The following USP34 variants were observed in gnomAD, a reference collection of about 807,000 sequenced individuals.
The protein encoded by USP34 is ubiquitin specific peptidase 34, also known as ubiquitin carboxyl-terminal hydrolase 34.
USP34 carries 70 observed loss-of-function variants against 460.3 expected under a neutral mutation model. The ratio of observed to expected loss-of-function variants is 0.15; its 90% CI spans 0.13 to 0.19. The LOEUF (loss-of-function observed/expected upper bound fraction) is 0.19, where lower values mean the gene tolerates loss of function less well. USP34 is among the 10% of genes least tolerant of loss of function. The pLI, the probability that USP34 is intolerant of heterozygous loss-of-function variation, is 1.00. For synonymous variants in USP34, 1,647 were observed against 1,405.3 expected (o/e 1.17, Z -3.85); for missense variants, 3,985 against 4,236.2 (o/e 0.94, Z 1.65).
At chr2:61,298,807 T>C (rs1029777917) in intron 29 of USP34, among the ~76,000 whole-genome samples, 1 of 152,084 alleles carries the variant, frequency 6.6e-6, no homozygotes, top group African/African-American at 2.4e-5. Context: ...TAGGTCCTTT[T>C]GCGATACAAG....
chr2:61,453,969 A>C (rs189195842), intron 1 of USP34, among the ~76,000 whole-genome samples: 188 of 152,148 alleles, frequency 1.2e-3, no homozygotes, highest in East Asian at 4.8e-3. Flanking sequence ...TGAGCATTTT[A>C]TAAGAAAATG....
At chr2:61,399,359 A>T (rs1693640111) in intron 3 of USP34, among the ~76,000 whole-genome samples, 1 of 151,826 alleles carries the variant, frequency 6.6e-6, no homozygotes, top group South Asian at 2.1e-4. Flanking sequence ...AAAAAAAAAA[A>T]ATTGAGTTCT....
intron 10 of USP34, among the ~76,000 whole-genome samples, chr2:61,366,354 G>A (rs755355878): frequency 6.6e-6 from 1 of 152,198 alleles, no homozygotes; most frequent in Admixed American, 6.5e-5. Context: ...CTCAGAATAA[G>A]AGATTTGATG....
At chr2:61,403,452 T>C (rs1467384651) in intron 3 of USP34, among the ~76,000 whole-genome samples, 1 of 152,200 alleles carries the variant, frequency 6.6e-6, no homozygotes, top group Non-Finnish European at 1.5e-5. Context: ...AGTTAAGATA[T>C]TAAAGCACTA....
intron 12 of USP34, among the ~76,000 whole-genome samples, chr2:61,349,858 A>G (rs1691894627): frequency 6.6e-6 from 1 of 151,812 alleles, no homozygotes; most frequent in African/African-American, 2.4e-5. Context: ...AACAACAACA[A>G]CAACAACAAC....
intron 2 of USP34, among the ~76,000 whole-genome samples, chr2:61,419,923 TAAATAA>T (rs1330106074): frequency 6.6e-6 from 1 of 152,194 alleles, no homozygotes; most frequent in Non-Finnish European, 1.5e-5. Flanking sequence ...AATGTTTACA[TAAATAA>T]AATCTACAAA....
intron 27 of USP34, among the ~76,000 whole-genome samples, chr2:61,302,759 C>A (rs1323660919): frequency 9.2e-5 from 14 of 152,096 alleles, no homozygotes; most frequent in Non-Finnish European, 1.5e-5. Context: ...TACGGAAGTT[C>A]AACTTTCTAT....
chr2:61,385,791 C>T (rs1693123676), intron 5 of USP34, among the ~76,000 whole-genome samples: 1 of 150,504 alleles, frequency 6.6e-6, no homozygotes, highest in South Asian at 2.1e-4. Flanking sequence ...GTCAGGAGTT[C>T]AAGACCAGCT....
intron 10 of USP34, among the ~76,000 whole-genome samples, chr2:61,356,475 G>A (rs561280623): frequency 2.4e-4 from 31 of 128,426 alleles, no homozygotes; most frequent in African/African-American, 3.0e-4. Flanking sequence ...GGGTGAAAGC[G>A]CACACACACA....
In USP34 at chr2:61,406,105, T is replaced by C; in HGVS notation, c.155A>G (p.Glu52Gly). The change falls in exon 3 of 80, where the codon GAA (glutamate) becomes GGA (glycine). Residue 52 changes from glutamate (E) to glycine (G), a missense_variant. Glu to Gly is a moderately conservative substitution (Grantham distance 98, BLOSUM62 -2). Transcript: ENST00000398571. ...TQRQCLCCFK[E>G]YKHLEIFNQV... The stretch of plus-strand genomic sequence containing the variant: ...ATTAAAAATCTCCAAATGCTTATAT[T>C]CCTTGAAGCAGCATAGACATTGCCT... 1 of 1,610,214 alleles carries C rather than the reference T, an allele frequency of 6.2e-7. No homozygotes were observed.
chr2:61,253,608 T>C (rs894469357), intron 48 of USP34, among the ~76,000 whole-genome samples: 5 of 152,220 alleles, frequency 3.3e-5, no homozygotes, highest in Admixed American at 2.0e-4. Context: ...TAAGCAATTT[T>C]AGTATCTTAT....
At chr2:61,411,359 T>C (rs943165252) in intron 2 of USP34, among the ~76,000 whole-genome samples, 3 of 144,750 alleles carry the variant, frequency 2.1e-5, no homozygotes, top group Admixed American at 1.4e-4. Context: ...CCAGCCCAGG[T>C]GACAGATCAA....
At chr2:61,285,904 C>T (rs1689675444) in intron 34 of USP34, among the ~76,000 whole-genome samples, 1 of 152,142 alleles carries the variant, frequency 6.6e-6, no homozygotes, top group South Asian at 2.1e-4. Context: ...AATTCACTAA[C>T]AATGAATTAT....
intron 20 of USP34, among the ~76,000 whole-genome samples, chr2:61,328,348 C>G (rs1263123858): frequency 2.0e-5 from 3 of 149,042 alleles, no homozygotes; most frequent in African/African-American, 7.4e-5. Context: ...AATCAAAAAA[C>G]AAAAATTACA....
At position 61,470,661 on chromosome 2, in the gene USP34, A is replaced by G; in HGVS notation, c.32T>C (p.Val11Ala). 1 of 1,591,000 alleles carries G rather than the reference A, an allele frequency of 6.3e-7. No individual in the cohort carries two copies. The highest frequency in any genetic ancestry group is 8.6e-7 in the Non-Finnish European group (1 of 1,169,396). The change falls in exon 1 of 80, where the codon GTG becomes GCG. Residue 11 changes from valine to alanine, a missense_variant. Val to Ala is a moderately conservative substitution (Grantham distance 64). This residue lies in a region of USP34 where 331 missense variants were observed against 293.7 expected (regional missense o/e 1.13). Coordinates refer to ENST00000398571, the MANE Select transcript of USP34 (RefSeq NM_014709.4). ...CCGCGGCTACTTACTTTCATTTAACACCTCCACCAGGTCTGCGCAGTTCTC... is the reference window on the plus strand; with the variant it reads ...CCGCGGCTACTTACTTTCATTTAACGCCTCCACCAGGTCTGCGCAGTTCTC... The part of the protein sequence containing the change: MCENCADLVE[V>A]LNEISDVEGG...
chr2:61,244,790 C>A (rs1688376858), intron 51 of USP34, among the ~76,000 whole-genome samples: 1 of 151,944 alleles, frequency 6.6e-6, no homozygotes, highest in Non-Finnish European at 1.5e-5. Context: ...TTTTTAATTT[C>A]TTTTTTTCTT....
At chr2:61,373,981 CCT>C (rs1423075223) in intron 8 of USP34, among the ~76,000 whole-genome samples, 1 of 152,012 alleles carries the variant, frequency 6.6e-6, no homozygotes, top group Non-Finnish European at 1.5e-5. Context: ...ATGGTGAAAC[CCT>C]GTCTCTAATG....
intron 3 of USP34, among the ~76,000 whole-genome samples, chr2:61,399,816 T>C (rs1321597160): frequency 1.5e-5 from 2 of 129,178 alleles, no homozygotes; most frequent in Non-Finnish European, 3.1e-5. Context: ...GAGGTTGCAG[T>C]GAGCCGAGAT....
intron 67 of USP34, 115 bp downstream of exon 67, chr2:61,220,190 ACATCT>A: frequency 1.6e-6 from 1 of 623,508 alleles, no homozygotes; most frequent in Non-Finnish European, 2.4e-6. Flanking sequence ...AAAGGAAATA[ACATCT>A]CCAAGAATTT....
Sources: gnomAD v4.1 joint callset for allele counts (sites outside exome capture counted in the v4.1 genomes callset) on GRCh38, gnomAD v4.1.1 for gene constraint, gnomAD v4.1.1 regional missense constraint, MANE v1.5 for transcripts, NCBI Gene and HGNC (gene_info 2026-07-23, HGNC 2026-07-21) for gene names.